ALK: variants seen among roughly 807,000 people sequenced by gnomAD.
ALK encodes the protein ALK receptor tyrosine kinase.
ALK carries 74 observed loss-of-function variants against 163.1 expected under a neutral mutation model. The ratio of observed to expected loss-of-function variants is 0.45; its 90% CI spans 0.38 to 0.55. The LOEUF (loss-of-function observed/expected upper bound fraction) is 0.55. Ranked by LOEUF, ALK falls within the 20% of genes least tolerant of loss-of-function variation. The probability of loss-of-function intolerance (pLI) is 0.00; values close to 1 mark genes in which losing one functional copy is unlikely to be tolerated. For missense variants in ALK, 2,063 were observed against 2,105.3 expected, an observed-to-expected ratio of 0.98 and a Z score of 0.39; for synonymous variants, 960 against 843.2, an observed-to-expected ratio of 1.14 and a Z score of -2.40.
At chr2:29,727,377 A>G (rs1679604428) in intron 1 of ALK, among the ~76,000 whole-genome samples, 1 of 152,180 alleles carries the variant, frequency 6.6e-6, no homozygotes, top group Admixed American at 6.5e-5. Flanking sequence ...CAGATGCCAC[A>G]TTACTCAGCA....
At chr2:29,320,591 C>T (rs1026988268) in intron 7 of ALK, among the ~76,000 whole-genome samples, 160 bp downstream of exon 7, 2 of 152,152 alleles carry the variant, frequency 1.3e-5, no homozygotes, top group African/African-American at 4.8e-5. Context: ...CTCGAAAGCC[C>T]AAGGTGTGAA....
chr2:29,910,411 G>T (rs1667671212), intron 1 of ALK, among the ~76,000 whole-genome samples: 1 of 152,096 alleles, frequency 6.6e-6, no homozygotes. Context: ...AATTGTAATT[G>T]AATTCTTAGA....
chr2:29,914,482 G>A (rs771040660), intron 1 of ALK, among the ~76,000 whole-genome samples: 9 of 152,220 alleles, frequency 5.9e-5, no homozygotes, highest in Non-Finnish European at 1.0e-4. Context: ...AGATGCTGGA[G>A]TGCAGCTGTT....
chr2:29,724,540 G>C (rs1406662452), intron 1 of ALK, among the ~76,000 whole-genome samples: 1 of 152,146 alleles, frequency 6.6e-6, no homozygotes, highest in Non-Finnish European at 1.5e-5. Flanking sequence ...ATGACTCCTA[G>C]AGTTAGCGGT....
chr2:29,252,797 T>A (rs1414586898), intron 11 of ALK, among the ~76,000 whole-genome samples: 1 of 152,008 alleles, frequency 6.6e-6, no homozygotes. Context: ...TCACTTTGGG[T>A]GTGAATGGCT....
intron 1 of ALK, among the ~76,000 whole-genome samples, chr2:29,815,260 G>A (rs955053797): frequency 6.6e-5 from 10 of 151,724 alleles, no homozygotes; most frequent in African/African-American, 2.2e-4. Flanking sequence ...AAGTTGTGAG[G>A]ACAGCAGTCG....
intron 3 of ALK, among the ~76,000 whole-genome samples, chr2:29,661,935 G>A (rs577944931): frequency 6.6e-6 from 1 of 152,108 alleles, no homozygotes; most frequent in African/African-American, 2.4e-5. Context: ...TTTTGAGATG[G>A]AATCTCACTC....
chr2:29,279,478 G>A (rs1223581915), intron 9 of ALK, among the ~76,000 whole-genome samples: 1 of 152,146 alleles, frequency 6.6e-6, no homozygotes, highest in Non-Finnish European at 1.5e-5. Context: ...GGAGGGTGGG[G>A]CAGGAGCAGA....
At chr2:29,783,628 G>A (rs767840708) in intron 1 of ALK, among the ~76,000 whole-genome samples, 4 of 152,210 alleles carry the variant, frequency 2.6e-5, no homozygotes, top group Non-Finnish European at 4.4e-5. Flanking sequence ...AATTTTGTGA[G>A]AAATCTCTAC....
intron 1 of ALK, among the ~76,000 whole-genome samples, chr2:29,733,462 C>G (rs1347168804): frequency 6.6e-6 from 1 of 152,200 alleles, no homozygotes; most frequent in Non-Finnish European, 1.5e-5. Context: ...ACTCACAGTT[C>G]CAACACTTAC....
chr2:29,311,290 A>C (rs1050514195), intron 8 of ALK, among the ~76,000 whole-genome samples: 3 of 152,104 alleles, frequency 2.0e-5, no homozygotes, highest in African/African-American at 7.2e-5. Context: ...TAGGGGATGG[A>C]GTGAGATCCT....
intron 3 of ALK, among the ~76,000 whole-genome samples, chr2:29,658,421 G>T (rs988754170): frequency 4.6e-5 from 7 of 152,172 alleles, no homozygotes; most frequent in Admixed American, 1.3e-4. Context: ...TGCATGGAAA[G>T]ATGTTCATTT....
At chr2:29,337,501 G>A (rs183073116) in intron 5 of ALK, among the ~76,000 whole-genome samples, 24 of 152,262 alleles carry the variant, frequency 1.6e-4, no homozygotes, top group African/African-American at 5.8e-4. Context: ...TTAATGGTGT[G>A]TCCACACACG....
chr2:29,900,743 T>G (rs1473027384), intron 1 of ALK, among the ~76,000 whole-genome samples: 1 of 152,198 alleles, frequency 6.6e-6, no homozygotes, highest in Non-Finnish European at 1.5e-5. Context: ...GACGCTCTGC[T>G]GCTTCATCAC....
rs1673134817 is a variant in ALK, at chr2:29,532,042, C to T, written c.1027G>A (p.Glu343Lys). Reference sequence around the variant, plus strand: ...ACCGAGACGGCCAGTGTGCAGTGCTCACTGCTGCTCCTCATCCACGGACTC... The same window carrying T: ...ACCGAGACGGCCAGTGTGCAGTGCTTACTGCTGCTCCTCATCCACGGACTC... Reference protein sequence around the residue: ...ILSPWMRSSSEHCTLAVSVHR... With the variant: ...ILSPWMRSSSKHCTLAVSVHR... The change falls in exon 4 of 29, where the codon GAG (glutamate) becomes AAG (lysine). Residue 343 changes from glutamate (E) to lysine (K), a missense_variant. Glu to Lys is a moderately conservative substitution (Grantham distance 56, BLOSUM62 1). Transcript: ENST00000389048. The T allele has an allele frequency of 6.2e-7, 1 of 1,614,068 alleles. No individual in the cohort carries two copies. Among genetic ancestry groups the T allele is most frequent in the Non-Finnish European group, 8.5e-7 (1 of 1,180,006 alleles).
At chr2:29,437,208 C>A (rs1410793809) in intron 4 of ALK, among the ~76,000 whole-genome samples, 1 of 152,112 alleles carries the variant, frequency 6.6e-6, no homozygotes, top group Non-Finnish European at 1.5e-5. Flanking sequence ...TTTCTCCTTC[C>A]TTCCTCATTT....
intron 4 of ALK, among the ~76,000 whole-genome samples, chr2:29,404,310 A>C (rs1431546223): frequency 3.9e-5 from 2 of 51,472 alleles, no homozygotes; most frequent in Non-Finnish European, 4.3e-5. Context: ...TCCGTCTCAA[A>C]AAAAAAAAAA....
intron 4 of ALK, among the ~76,000 whole-genome samples, chr2:29,507,028 T>A (rs1049067922): frequency 3.3e-5 from 5 of 152,148 alleles, no homozygotes; most frequent in African/African-American, 1.2e-4. Context: ...TCTAGGTATA[T>A]ATCCAAGAAA....
At chr2:29,749,948 G>T (rs769247600) in intron 1 of ALK, among the ~76,000 whole-genome samples, 3 of 152,166 alleles carry the variant, frequency 2.0e-5, no homozygotes, top group African/African-American at 2.4e-5. Context: ...TTGAAAGCAG[G>T]TTCATGTCAT....
Sources: allele counts gnomAD v4.1 joint callset (sites outside exome capture counted in the v4.1 genomes callset), GRCh38; gene constraint gnomAD v4.1.1; transcripts MANE v1.5; gene names NCBI Gene and HGNC (gene_info 2026-07-23, HGNC 2026-07-21).